The following CSMD1 variants were observed in gnomAD, a reference collection of about 807,000 sequenced individuals.
CSMD1 encodes the protein CUB and sushi domain-containing protein 1.
CSMD1 carries 213 observed loss-of-function variants against 417.5 expected under a neutral mutation model. The ratio of observed to expected loss-of-function variants is 0.51; its 90% CI spans 0.46 to 0.57. The LOEUF is 0.57. Ranked by LOEUF, CSMD1 falls within the 20% of genes least tolerant of loss-of-function variation. The pLI, the probability that CSMD1 is intolerant of heterozygous loss-of-function variation, is 0.00. For synonymous variants in CSMD1, 2,862 were observed against 1,736.8 expected, an observed-to-expected ratio of 1.65 and a Z score of -16.11; for missense variants, 6,923 against 4,529.7, an observed-to-expected ratio of 1.53 and a Z score of -15.17.
intron 54 of CSMD1, among the ~76,000 whole-genome samples, chr8:2,983,735 A>G (rs971062725): frequency 1.3e-5 from 2 of 152,190 alleles, no homozygotes; most frequent in Non-Finnish European, 2.9e-5. Flanking sequence ...ATAAGCAACT[A>G]TGATCGAGGT....
chr8:4,511,070 T>G (rs115745442), intron 2 of CSMD1, among the ~76,000 whole-genome samples: 1,554 of 152,226 alleles, frequency 0.01, 31 homozygotes, highest in African/African-American at 0.035. Flanking sequence ...TCAGCCATCC[T>G]TCAGCCTGGT....
intron 1 of CSMD1, among the ~76,000 whole-genome samples, chr8:4,810,643 T>G (rs948378128): frequency 6.6e-6 from 1 of 152,216 alleles, no homozygotes; most frequent in Non-Finnish European, 1.5e-5. Context: ...ATAATATGAT[T>G]TTGTATTACA....
At chr8:4,739,990 C>G (rs1341574040) in intron 1 of CSMD1, among the ~76,000 whole-genome samples, 1 of 152,114 alleles carries the variant, frequency 6.6e-6, no homozygotes, top group Admixed American at 6.5e-5. Context: ...GCCGCCTGCC[C>G]AGGCATCTTC....
At chr8:4,853,718 C>A (rs1287369762) in intron 1 of CSMD1, among the ~76,000 whole-genome samples, 1 of 152,172 alleles carries the variant, frequency 6.6e-6, no homozygotes, top group East Asian at 1.9e-4. Flanking sequence ...GTAGATCTAA[C>A]AGCATCATGC....
intron 2 of CSMD1, among the ~76,000 whole-genome samples, chr8:4,624,013 T>C (rs1050156106): frequency 2.0e-5 from 3 of 152,126 alleles, no homozygotes; most frequent in African/African-American, 4.8e-5. Context: ...ATGTGAATAA[T>C]TGTAACTAAA....
intron 26 of CSMD1, among the ~76,000 whole-genome samples, chr8:3,247,866 G>A (rs906098196): frequency 6.6e-6 from 1 of 152,166 alleles, no homozygotes; most frequent in Non-Finnish European, 1.5e-5. Context: ...CACAAGGGGG[G>A]AGCAGGATCT....
intron 1 of CSMD1, among the ~76,000 whole-genome samples, chr8:4,803,861 TG>T (rs1190786409): frequency 6.6e-6 from 1 of 152,222 alleles, no homozygotes; most frequent in Non-Finnish European, 1.5e-5. Context: ...ACATATTTTT[TG>T]TAAGAATTTA....
Position 4,146,521 on chromosome 8 carries a change from T to C in CSMD1, c.416-114422A>G, listed in dbSNP as rs570433939. On this transcript the variant is annotated intron_variant, in intron 3 of 69. Coordinates refer to ENST00000635120, the MANE Select transcript of CSMD1 (RefSeq NM_033225.6). The stretch of plus-strand genomic sequence containing the variant: ...GACGTTGTGATGTGCACAGTGTGTG[T>C]TCTCTGGTTAAAACACCACAACTCC... Among the ~76,000 whole-genome samples, 23 of 149,790 alleles carry C rather than the reference T, an allele frequency of 1.5e-4. No individual in the cohort carries two copies. The East Asian group carries it at 4.1e-3, about 27-fold the overall frequency.
At chr8:3,856,512 A>G (rs998499624) in intron 5 of CSMD1, among the ~76,000 whole-genome samples, 1 of 152,204 alleles carries the variant, frequency 6.6e-6, no homozygotes, top group African/African-American at 2.4e-5. Flanking sequence ...ATGAGGATCA[A>G]ATGGAAATCA....
chr8:3,413,042 G>T (rs1247323743), intron 12 of CSMD1, among the ~76,000 whole-genome samples: 1 of 152,134 alleles, frequency 6.6e-6, no homozygotes, highest in Non-Finnish European at 1.5e-5. Context: ...GATCAATTTA[G>T]TCTCATCAAG....
intron 26 of CSMD1, among the ~76,000 whole-genome samples, chr8:3,261,413 T>C (rs1801049639): frequency 6.6e-6 from 1 of 152,194 alleles, no homozygotes; most frequent in Non-Finnish European, 1.5e-5. Context: ...TGGTGCAGTA[T>C]ATACGGCTTG....
rs1474876486 is a variant in CSMD1, at chr8:4,383,439, A to T, written c.415+36514T>A. On this transcript the variant is annotated intron_variant, in intron 3 of 69. Coordinates refer to ENST00000635120, the MANE Select transcript of CSMD1 (RefSeq NM_033225.6). ...TTTCCGTTAAGTCCAGCCAGATACCATGAATTTCACAGTAGTTCCTAATAC... is the reference window on the plus strand; with the variant it reads ...TTTCCGTTAAGTCCAGCCAGATACCTTGAATTTCACAGTAGTTCCTAATAC... Among the ~76,000 whole-genome samples the T allele has an allele frequency of 7.2e-5, 11 of 152,210 alleles. 1 individual carries two copies. Among genetic ancestry groups the T allele is most frequent in the Admixed American group, 5.2e-4 (8 of 15,274 alleles).
chr8:3,124,805 GC>G (rs1817405414), intron 41 of CSMD1, among the ~76,000 whole-genome samples: 3 of 152,118 alleles, frequency 2.0e-5, no homozygotes, highest in Non-Finnish European at 4.4e-5. Context: ...AATCCCATCT[GC>G]CAGTCAACAT....
At chr8:4,313,134 G>C (rs1157062586) in intron 3 of CSMD1, among the ~76,000 whole-genome samples, 9 of 152,194 alleles carry the variant, frequency 5.9e-5, no homozygotes, top group African/African-American at 2.2e-4. Context: ...CCCTTAGACA[G>C]TGAGCAAGCT....
intron 6 of CSMD1, among the ~76,000 whole-genome samples, chr8:3,734,505 G>A (rs146285561): frequency 0.011 from 1,700 of 152,284 alleles, 15 homozygotes; most frequent in Non-Finnish European, 0.016. Context: ...GACGTCAGGA[G>A]TTCAAGACCA....
chr8:3,516,405 G>A (rs1563113086), intron 10 of CSMD1, among the ~76,000 whole-genome samples: 1 of 152,148 alleles, frequency 6.6e-6, no homozygotes, highest in African/African-American at 2.4e-5. Flanking sequence ...AAAAGCCCTG[G>A]AATGCAGACT....
At chr8:3,201,194 A>G (rs1796973311) in intron 32 of CSMD1, among the ~76,000 whole-genome samples, 1 of 152,220 alleles carries the variant, frequency 6.6e-6, no homozygotes, top group Non-Finnish European at 1.5e-5. Flanking sequence ...GAACACGTGT[A>G]CATGTGTGGC....
chr8:3,501,289 C>A (rs1346561739), intron 10 of CSMD1, among the ~76,000 whole-genome samples: 1 of 152,172 alleles, frequency 6.6e-6, no homozygotes, highest in Non-Finnish European at 1.5e-5. Context: ...CACATACACA[C>A]ACACCCCAAG....
intron 3 of CSMD1, among the ~76,000 whole-genome samples, chr8:4,147,476 T>C (rs569739873): frequency 9.9e-5 from 15 of 152,246 alleles, no homozygotes; most frequent in African/African-American, 3.1e-4. Flanking sequence ...CCCTACATGA[T>C]TGCCTTTGTG....
Sources: gnomAD v4.1 joint callset for allele counts (sites outside exome capture counted in the v4.1 genomes callset) on GRCh38, gnomAD v4.1.1 for gene constraint, MANE v1.5 for transcripts, NCBI Gene and HGNC (gene_info 2026-07-23, HGNC 2026-07-21) for gene names.